Variants in ZNF653 observed in about 807,000 individuals in gnomAD.
ZNF653 encodes zinc finger protein 653.
ZNF653 carries 37 observed loss-of-function variants against 59.9 expected under a neutral mutation model. That is an observed-to-expected ratio of 0.62 (90% confidence interval 0.48 to 0.81). The LOEUF (loss-of-function observed/expected upper bound fraction) is 0.81. Ranked by LOEUF, ZNF653 falls within the 40% of genes least tolerant of loss-of-function variation. ZNF653 has a pLI of 0.00. For missense variants in ZNF653, 808 were observed against 881.1 expected, an observed-to-expected ratio of 0.92 and a Z score of 1.05; for synonymous variants, 435 against 371.8, an observed-to-expected ratio of 1.17 and a Z score of -1.96.
chr19:11,504,585 A>T, intron 1 of ZNF653: 1 of 985,254 alleles, frequency 1.0e-6, no homozygotes, highest in Non-Finnish European at 1.2e-6. Context: ...GGTATAACTT[A>T]GCAGGATCTG....
rs748429213 is a variant in ZNF653 at position 11,487,803 on chromosome 19, T to TGCCGCA, written c.654_659dup (p.Ala224_Ala225dup). ...TGGTGGGCGTCGCTGCCGCTGCCGC[T>TGCCGCA]GCCGCAGCCTTGACCGGCTGGCCCT... On this transcript the variant is annotated inframe_insertion, in exon 4 of 9. Transcript: ENST00000293771. The surrounding 1 kb of genome is among the most constrained non-coding windows in gnomAD (Gnocchi z 5.1). The TGCCGCA allele has an allele frequency of 6.2e-6, 10 of 1,611,656 alleles. No homozygotes were observed. Among genetic ancestry groups the TGCCGCA allele is most frequent in the South Asian group, 3.3e-5 (3 of 90,654 alleles).
At chr19:11,497,240 G>A (rs1971597927) in intron 2 of ZNF653, among the ~76,000 whole-genome samples, 1 of 152,224 alleles carries the variant, frequency 6.6e-6, no homozygotes, top group Non-Finnish European at 1.5e-5. Flanking sequence ...CAGAATGTCA[G>A]CTCCTCAAGA....
intron 1 of ZNF653, chr19:11,505,273 T>C (rs1971700111): frequency 6.2e-6 from 3 of 485,360 alleles, no homozygotes; most frequent in Non-Finnish European, 1.0e-5. Context: ...AGGGGCTGGG[T>C]GCACCCTAGG....
At chr19:11,499,480 A>G (rs557761139) in intron 1 of ZNF653, among the ~76,000 whole-genome samples, 183 of 152,004 alleles carry the variant, frequency 1.2e-3, no homozygotes, top group Middle Eastern at 0.01. Flanking sequence ...GACAGTGGGT[A>G]CTGTCTGGGT....
intron 1 of ZNF653, chr19:11,500,707 T>C (rs1246194898): frequency 6.6e-6 from 1 of 152,248 alleles, no homozygotes; most frequent in Non-Finnish European, 1.5e-5. Context: ...CACATTGCAG[T>C]GGGGACAGTC....
At chr19:11,489,091 G>A (rs1971503685) in intron 3 of ZNF653, among the ~76,000 whole-genome samples, 1 of 151,704 alleles carries the variant, frequency 6.6e-6, no homozygotes, top group Admixed American at 6.6e-5. Flanking sequence ...GTAGAGATGA[G>A]GTTTTGCCAT....
At chr19:11,504,123 C>T (rs188493213) in intron 1 of ZNF653, among the ~76,000 whole-genome samples, 66 of 151,824 alleles carry the variant, frequency 4.3e-4, no homozygotes, top group African/African-American at 1.5e-3. Flanking sequence ...AAACGAGGGC[C>T]GGGCGCGGTG....
intron 2 of ZNF653, among the ~76,000 whole-genome samples, chr19:11,496,397 G>A (rs1026320202): frequency 1.3e-5 from 2 of 152,196 alleles, no homozygotes; most frequent in African/African-American, 4.8e-5. Context: ...GTGGAGCCTG[G>A]TGCACAGTAG....
intron 2 of ZNF653, among the ~76,000 whole-genome samples, chr19:11,497,378 G>A (rs1296423051): frequency 1.3e-5 from 2 of 152,176 alleles, no homozygotes; most frequent in Non-Finnish European, 2.9e-5. Context: ...TGGTGGAGCC[G>A]GACCGCCTGG....
At chr19:11,500,215 A>T (rs1971629407) in intron 1 of ZNF653, among the ~76,000 whole-genome samples, 1 of 152,072 alleles carries the variant, frequency 6.6e-6, no homozygotes, top group Non-Finnish European at 1.5e-5. Flanking sequence ...GGGATCTTCC[A>T]TCTTTCCTGC....
chr19:11,505,498 C>T lies in ZNF653; in HGVS notation c.289G>A (p.Gly97Ser), dbSNP rs919228354. The stretch of plus-strand genomic sequence containing the variant: ...GCCAGGCCCCCTCACCCGTGGCGGC[C>T]GCTCCGCTGGCCGCGCTCCAGAGAG... Reference protein sequence around the residue: ...LISLERGQRSGRHGKPWEQVP... With the variant: ...LISLERGQRSSRHGKPWEQVP... The change falls in exon 1 of 9, where the codon GGC becomes AGC. Residue 97 changes from glycine (G) to serine (S), a missense_variant. Gly to Ser is a moderately conservative substitution (Grantham distance 56). Coordinates refer to ENST00000293771, the MANE Select transcript of ZNF653 (RefSeq NM_138783.4). 1.3e-5 allele frequency: 19 copies of T among 1,488,310 alleles called. No homozygotes were observed. The highest frequency in any genetic ancestry group is 9.6e-5 in the Admixed American group (4 of 41,738). The allele number at this position is 1,488,310 out of a possible 1,614,324, so 92.2% of individuals were successfully genotyped here.
chr19:11,491,799 G>A (rs311803), intron 3 of ZNF653, among the ~76,000 whole-genome samples: 2 of 152,040 alleles, frequency 1.3e-5, no homozygotes, highest in African/African-American at 2.4e-5. Flanking sequence ...GGATGGTCTC[G>A]ATCTCCTGAC....
chr19:11,486,625 T>G (rs534558459), intron 6 of ZNF653, 144 bp downstream of exon 6: 1 of 668,990 alleles, frequency 1.5e-6, no homozygotes, highest in Non-Finnish European at 2.6e-6. Context: ...CCATGCCAGG[T>G]CCTGGGGTGT....
intron 3 of ZNF653, among the ~76,000 whole-genome samples, chr19:11,488,167 T>A (rs1172062871): frequency 6.7e-6 from 1 of 148,866 alleles, no homozygotes; most frequent in Non-Finnish European, 1.5e-5. Flanking sequence ...TTTTTTTTCC[T>A]GAGATGGAGT....
chr19:11,489,473 A>G (rs560461881), intron 3 of ZNF653, among the ~76,000 whole-genome samples: 1 of 152,286 alleles, frequency 6.6e-6, no homozygotes, highest in South Asian at 2.1e-4. Context: ...TGCTGGAATT[A>G]CAGACATGAG....
In ZNF653 at chr19:11,497,142, C is replaced by A. The variant is rs188469569; in HGVS notation, c.344-977G>T. Among the ~76,000 whole-genome samples, 22 of 152,330 alleles carry A rather than the reference C, an allele frequency of 1.4e-4. No individual in the cohort carries two copies. In the East Asian group the frequency reaches 2.9e-3, roughly 20 times the overall value. On this transcript the variant is annotated intron_variant, in intron 2 of 8. Transcript: ENST00000293771. ...CTCCCTGCCCAGTCACTCTAGCCGA[C>A]CTTAACTTTGCTGTCTGTTTTCTCC...
chr19:11,505,763 G>T lies in ZNF653; in HGVS notation c.24C>A (p.Pro8=), dbSNP rs1413534134. ...CCGCCTCAGCCTCCGCCTCCGCCTC[G>T]GGCTCTAGCGCCCGCTCCGCCATCC... MAERALE[P]EAEAEAEAGA... is the part of the protein sequence containing the mutation. The change falls in exon 1 of 9, where the codon CCC becomes CCA. Residue 8 remains proline, a synonymous_variant. Coordinates refer to ENST00000293771, the MANE Select transcript of ZNF653 (RefSeq NM_138783.4). 9 of 1,391,086 alleles carry T rather than the reference G, an allele frequency of 6.5e-6. No individual in the cohort carries two copies. The highest frequency in any genetic ancestry group is 7.4e-6 in the Non-Finnish European group (8 of 1,082,106). The allele number at this position is 1,391,086 out of a possible 1,614,324, so 86.2% of individuals were successfully genotyped here.
At chr19:11,492,653 T>C (rs1372304679) in intron 3 of ZNF653, among the ~76,000 whole-genome samples, 6 of 152,034 alleles carry the variant, frequency 3.9e-5, no homozygotes, top group African/African-American at 7.2e-5. Flanking sequence ...CTGCACTCTA[T>C]ATTTTTATTG....
chr19:11,491,813 A>G (rs922736963), intron 3 of ZNF653, among the ~76,000 whole-genome samples: 1 of 151,818 alleles, frequency 6.6e-6, no homozygotes, highest in Non-Finnish European at 1.5e-5. Context: ...TCCTGACCTC[A>G]TGATCCGCCC....
Sources: gnomAD v4.1 joint callset for allele counts (sites outside exome capture counted in the v4.1 genomes callset) on GRCh38, gnomAD v4.1.1 for gene constraint, Gnocchi (gnomAD v3.1) non-coding constraint, MANE v1.5 for transcripts, NCBI Gene and HGNC (gene_info 2026-07-23, HGNC 2026-07-21) for gene names.